The following NECTIN3 variants were observed in gnomAD, a reference collection of about 807,000 sequenced individuals.
The protein encoded by NECTIN3 is nectin-3.
Under a neutral mutation model 49.4 loss-of-function variants are expected in NECTIN3, and 8 were observed. The observed-to-expected ratio is 0.16, with a 90% CI of 0.10 to 0.29. The LOEUF (loss-of-function observed/expected upper bound fraction) is 0.29. Among genes scored for constraint, NECTIN3 ranks in the 10% least tolerant of loss-of-function variants. NECTIN3 has a pLI of 1.00. For missense variants in NECTIN3, 581 were observed against 654.6 expected, an observed-to-expected ratio of 0.89 and a Z score of 1.23; for synonymous variants, 277 against 241.1, an observed-to-expected ratio of 1.15 and a Z score of -1.38.
intron 5 of NECTIN3, among the ~76,000 whole-genome samples, chr3:111,144,065 T>G (rs1286253636): frequency 6.6e-6 from 1 of 152,100 alleles, no homozygotes; most frequent in Non-Finnish European, 1.5e-5. Flanking sequence ...TCCTTAATAC[T>G]TAACATTTGA....
intron 7 of NECTIN3, among the ~76,000 whole-genome samples, chr3:111,147,793 CTTACTG>C (rs913783775): frequency 2.6e-5 from 4 of 152,082 alleles, no homozygotes; most frequent in African/African-American, 9.7e-5. Flanking sequence ...TTGTTGAAGA[CTTACTG>C]TTAATACAGT....
upstream of NECTIN3, among the ~76,000 whole-genome samples, chr3:111,191,503 A>T (rs2035811708): frequency 6.6e-6 from 1 of 150,998 alleles, no homozygotes; most frequent in Non-Finnish European, 1.5e-5. Context: ...TGAAGTCTGA[A>T]GGGTAAGTCA....
chr3:111,084,244 A>G (rs2031798447), intron 1 of NECTIN3, among the ~76,000 whole-genome samples: 1 of 152,226 alleles, frequency 6.6e-6, no homozygotes, highest in Non-Finnish European at 1.5e-5. Context: ...AAACTTTTAG[A>G]ATGAGTGTGG....
exon 1 of NECTIN3, chr3:111,192,362 G>A (rs926197266): frequency 6.5e-7 from 1 of 1,535,766 alleles, no homozygotes; most frequent in Non-Finnish European, 8.7e-7. Context: ...CTGAACACTT[G>A]CCTTTGCAGA....
chr3:111,158,758 C>CA (rs1362365537), intron 7 of NECTIN3, among the ~76,000 whole-genome samples: 1 of 152,016 alleles, frequency 6.6e-6, no homozygotes, highest in Admixed American at 6.5e-5. Flanking sequence ...AGTCAGACTT[C>CA]ATTAAAAACA....
At chr3:111,125,306 G>A (rs913470725) in intron 4 of NECTIN3, among the ~76,000 whole-genome samples, 5 of 151,902 alleles carry the variant, frequency 3.3e-5, no homozygotes, top group South Asian at 4.1e-4. Flanking sequence ...TGGGATTACA[G>A]GTGTGAGCCA....
In NECTIN3 at chr3:111,114,707, A is replaced by G. The variant is rs146813911; in HGVS notation, c.502+2336A>G. 2.8e-4 allele frequency among the ~76,000 whole-genome samples: 43 copies of G among 152,310 alleles called. No homozygotes were observed. In the East Asian group the frequency reaches 7.3e-3, roughly 26 times the overall value. On this transcript the variant is annotated intron_variant, in intron 2 of 5. Transcript: ENST00000485303. ...ATGAAAATGGTATTCTAGGATTGTG[A>G]TAGTATGTGAACGAAGGCAGGGAAA...
chr3:111,189,907 G>C (rs1296854772), upstream of NECTIN3, among the ~76,000 whole-genome samples: 1 of 152,138 alleles, frequency 6.6e-6, no homozygotes, highest in Non-Finnish European at 1.5e-5. Context: ...CATCTGCCTG[G>C]GCTGAGGACA....
chr3:111,106,425 A>T (rs1452771807), intron 1 of NECTIN3, among the ~76,000 whole-genome samples: 1 of 152,198 alleles, frequency 6.6e-6, no homozygotes, highest in Admixed American at 6.5e-5. Flanking sequence ...ATTCTTTGAT[A>T]ATATTTGTTT....
intron 1 of NECTIN3, chr3:111,192,464 T>C (rs2107539868): frequency 6.9e-7 from 1 of 1,441,216 alleles, no homozygotes; most frequent in East Asian, 2.5e-5. Context: ...GTAGCTAACG[T>C]GCTTATTAAA....
chr3:111,144,744 T>C (rs911634326), intron 5 of NECTIN3, among the ~76,000 whole-genome samples: 1 of 152,134 alleles, frequency 6.6e-6, no homozygotes. Context: ...TTTAGCATAA[T>C]GCCACTAAAC....
intron 1 of NECTIN3, among the ~76,000 whole-genome samples, chr3:111,095,363 T>C (rs1299942379): frequency 6.6e-6 from 1 of 152,202 alleles, no homozygotes; most frequent in Non-Finnish European, 1.5e-5. Flanking sequence ...ATATTTGCTG[T>C]TGAGATACTT....
Position 111,157,459 on chromosome 3 carries a change from TGGTC to T in NECTIN3, c.1221+9976_1221+9979del, listed in dbSNP as rs1406108033. Among the ~76,000 whole-genome samples, 5 of 152,136 alleles carry T rather than the reference TGGTC, an allele frequency of 3.3e-5. No homozygotes were observed. In the East Asian group the frequency reaches 7.7e-4, roughly 23 times the overall value. On this transcript the variant is annotated intron_variant, in intron 7 of 8. Coordinates refer to the NECTIN3 transcript ENST00000493615. The stretch of plus-strand genomic sequence containing the variant: ...TTTAACATTTCTATGACTACATAGT[TGGTC>T]TGTTTTTTTCCACAGAGCCAAACTC...
Position 111,134,529 on chromosome 3 carries a change from T to G in NECTIN3, c.*314T>G. 1 of 1,000,844 alleles carries G rather than the reference T, an allele frequency of 1.0e-6. No homozygotes were observed. Among genetic ancestry groups the G allele is most frequent in the Non-Finnish European group, 1.2e-6 (1 of 834,176 alleles). 62.0% of individuals were successfully genotyped at this position (1,000,844 alleles called of 1,614,324 possible). ...TGTATGACTTACTTGGTACAAAAATTTTTTAAAAAGGGAACTACCTTGACA... is the reference window on the plus strand; with the variant it reads ...TGTATGACTTACTTGGTACAAAAATGTTTTAAAAAGGGAACTACCTTGACA... On this transcript the variant is annotated 3_prime_UTR_variant, in exon 6 of 6. Coordinates refer to ENST00000485303, the MANE Select transcript of NECTIN3 (RefSeq NM_015480.3).
intron 1 of NECTIN3, among the ~76,000 whole-genome samples, chr3:111,102,524 C>T (rs887638897): frequency 6.6e-5 from 10 of 152,236 alleles, no homozygotes; most frequent in East Asian, 3.8e-4. Flanking sequence ...GCCTTCTTCA[C>T]GCCTCCACTC....
rs919947194 is a variant in NECTIN3 at position 111,167,525 on chromosome 3, A to G, written c.1221+20041A>G. ...TTTATATTTGTTGTTATAATCACAA[A>G]AAGAAACAATAAAAGCTCAATTTTT... On this transcript the variant is annotated intron_variant, in intron 7 of 8. Coordinates refer to the NECTIN3 transcript ENST00000493615. Among the ~76,000 whole-genome samples the G allele has an allele frequency of 3.3e-5, 5 of 152,234 alleles. No homozygotes were observed. In the East Asian group the frequency reaches 5.8e-4, roughly 18 times the overall value.
chr3:111,178,180 C>A (rs914500242), intron 7 of NECTIN3, among the ~76,000 whole-genome samples: 7 of 152,200 alleles, frequency 4.6e-5, no homozygotes, highest in Non-Finnish European at 7.3e-5. Context: ...TAAGCTGTTA[C>A]AACTCTGTGG....
At chr3:111,120,602 A>G (rs889131169) in intron 3 of NECTIN3, among the ~76,000 whole-genome samples, 24 of 152,060 alleles carry the variant, frequency 1.6e-4, no homozygotes, top group Middle Eastern at 3.4e-3. Context: ...CAAAAGTTCA[A>G]TTTTTTACCA....
rs1441374434 is a variant in NECTIN3, at chr3:111,122,212, A to C, written c.891A>C (p.Pro297=). The C allele has an allele frequency of 1.2e-6, 2 of 1,611,942 alleles. No individual in the cohort carries two copies. Among genetic ancestry groups the C allele is most frequent in the Non-Finnish European group, 1.7e-6 (2 of 1,178,168 alleles). The stretch of plus-strand genomic sequence containing the variant: ...TCAAATGTAATGCTGATGCAAATCC[A>C]CCACCCTTCAAATCTGTGTGGAGCA... The part of the protein sequence containing the change: ...VNLKCNADAN[P]PPFKSVWSRL... Residue 297 remains proline, a synonymous_variant, in exon 4 of 6, where the codon CCA becomes CCC. Transcript: ENST00000485303.
Sources: allele counts gnomAD v4.1 joint callset (sites outside exome capture counted in the v4.1 genomes callset), GRCh38; gene constraint gnomAD v4.1.1; transcripts MANE v1.5; gene names NCBI Gene and HGNC (gene_info 2026-07-23, HGNC 2026-07-21).